C20orf96: variants seen among roughly 807,000 people sequenced by gnomAD.
The protein encoded by C20orf96 is uncharacterized protein C20orf96.
C20orf96 carries 57 observed loss-of-function variants against 52.6 expected under a neutral mutation model. That is an observed-to-expected ratio of 1.08 (90% CI 0.88 to 1.35). The LOEUF (loss-of-function observed/expected upper bound fraction) is 1.35. C20orf96 is among the 40% of genes most tolerant of loss of function. The probability of loss-of-function intolerance (pLI) is 0.00; values close to 1 mark genes in which losing one functional copy is unlikely to be tolerated. For synonymous variants in C20orf96, 168 were observed against 157.2 expected (o/e 1.07, Z -0.51); for missense variants, 478 against 443.6 (o/e 1.08, Z -0.70).
intron 3 of C20orf96, among the ~76,000 whole-genome samples, chr20:289,297 A>G (rs1338351214): frequency 6.6e-6 from 1 of 151,966 alleles, no homozygotes; most frequent in East Asian, 1.9e-4. Context: ...AGACTTCAAG[A>G]CCTTACAAAA....
At chr20:287,692 G>C (rs1378174023) in intron 3 of C20orf96, among the ~76,000 whole-genome samples, 2 of 151,980 alleles carry the variant, frequency 1.3e-5, no homozygotes, top group Non-Finnish European at 2.9e-5. Flanking sequence ...ACTTTGGGAG[G>C]CTGAGGCGGG....
intron 3 of C20orf96, among the ~76,000 whole-genome samples, chr20:285,026 T>C (rs2012348478): frequency 6.6e-6 from 1 of 152,146 alleles, no homozygotes; most frequent in South Asian, 2.1e-4. Context: ...ATGAAAGAAG[T>C]TACTATACCT....
rs770528771 is a variant in C20orf96 at position 289,652 on chromosome 20, T to C, written c.94A>G (p.Lys32Glu). The C allele has an allele frequency of 6.2e-7, 1 of 1,613,998 alleles. No homozygotes were observed. Among genetic ancestry groups the C allele is most frequent in the South Asian group, 1.1e-5 (1 of 91,082 alleles). Residue 32 changes from lysine (K) to glutamate (E), a missense_variant, in exon 3 of 11, where the codon AAG (lysine) becomes GAG (glutamate). Lys to Glu is a moderately conservative substitution (Grantham distance 56). Transcript: ENST00000360321. ...VPDYVPWQQS[K>E]QETKPSTLPP... ...AGAGTAGATGGCTTGGTTTCCTGCT[T>C]GGACTGCTGCCATGGAACATAATCC...
intron 3 of C20orf96, among the ~76,000 whole-genome samples, chr20:288,845 T>C (rs1243325720): frequency 6.6e-6 from 1 of 152,204 alleles, no homozygotes; most frequent in Non-Finnish European, 1.5e-5. Flanking sequence ...TTACAAAATA[T>C]TTGTTATTAA....
At chr20:273,572 G>A (rs1022277120) in intron 10 of C20orf96, among the ~76,000 whole-genome samples, 36 of 150,926 alleles carry the variant, frequency 2.4e-4, no homozygotes, top group Non-Finnish European at 1.3e-4. Context: ...TCACCGGGTA[G>A]CTTCTTAGAA....
At chr20:290,328 A>C (rs772268588) in intron 1 of C20orf96, 21 bp from the exon 2 acceptor site, 1 of 1,611,996 alleles carries the variant, frequency 6.2e-7, no homozygotes. Flanking sequence ...TTGGGAAGGG[A>C]AAGAACTTCC....
chr20:277,784 C>G (rs1829203350), intron 6 of C20orf96, among the ~76,000 whole-genome samples: 1 of 137,912 alleles, frequency 7.3e-6, no homozygotes, highest in African/African-American at 2.7e-5. Context: ...AAGACAAAGT[C>G]TATCCTGTCT....
Position 278,423 on chromosome 20 carries a change from T to C in C20orf96, c.472A>G (p.Ile158Val), listed in dbSNP as rs777377372. The C allele has an allele frequency of 1.2e-6, 2 of 1,613,722 alleles. No homozygotes were observed. The highest frequency in any genetic ancestry group is 1.7e-6 in the Non-Finnish European group (2 of 1,179,726). The part of the protein sequence containing the change: ...LQQQDTLATI[I>V]DILEYSNKKR... ...TTGTTTGAGTACTCCAAGATGTCGATGATGGTCTGCGGGAGGGGTGGAGTC... is the reference window on the plus strand; with the variant it reads ...TTGTTTGAGTACTCCAAGATGTCGACGATGGTCTGCGGGAGGGGTGGAGTC... The change falls in exon 6 of 11, where the codon ATC becomes GTC. Residue 158 changes from isoleucine (I) to valine (V), a missense_variant. Transcript: ENST00000360321.
chr20:284,039 G>A lies in C20orf96; in HGVS notation c.230C>T (p.Pro77Leu), dbSNP rs372813606. ...TCTATGTAGTTCTCTTGGATTCTTC[G>A]GCTGGCAGCTTGTCACCACCGTAGT... The part of the protein sequence containing the change: ...KPTTVVTSCQ[P>L]KNPRELHRRR... Residue 77 changes from proline (P) to leucine (L), a missense_variant, in exon 4 of 11, where the codon CCG becomes CTG. Physicochemically the swap from Pro to Leu is moderately conservative, Grantham distance 98 (BLOSUM62 -3). Transcript: ENST00000360321. 86 of 1,613,938 alleles carry A rather than the reference G, an allele frequency of 5.3e-5. 1 individual carries two copies. The highest frequency in any genetic ancestry group is 6.5e-5 in the Non-Finnish European group (77 of 1,180,012).
intron 3 of C20orf96, among the ~76,000 whole-genome samples, chr20:285,304 G>A (rs1167441706): frequency 2.6e-5 from 4 of 152,154 alleles, no homozygotes; most frequent in Non-Finnish European, 4.4e-5. Context: ...TCGCCCAGGT[G>A]GATCCAGCTG....
rs773509328 is a variant in C20orf96, at chr20:276,099, G to T, written c.913-13C>A. The T allele has an allele frequency of 8.1e-6, 13 of 1,612,692 alleles. No homozygotes were observed. The South Asian group carries it at 8.8e-5, about 11-fold the overall frequency. On this transcript the variant is annotated splice_polypyrimidine_tract_variant and intron_variant, in intron 9 of 10. Transcript: ENST00000360321. ...ACTGGTCAATAATCTGAGAGGAAAG[G>T]CACAGCAGGGGAGAAGGGAGAGGCA...
rs537291696 is a variant in C20orf96, at chr20:284,115, G to C, written c.188-34C>G. ...AGACAGGAAAGGACAGGGAGAGAGT[G>C]AGGGTCCCGGAAGGCCTGAGGCCAG... On this transcript the variant is annotated intron_variant, in intron 3 of 10. Coordinates refer to ENST00000360321, the MANE Select transcript of C20orf96 (RefSeq NM_153269.3). The C allele has an allele frequency of 1.9e-5, 30 of 1,572,242 alleles. No individual in the cohort carries two copies. In the East Asian group the frequency reaches 6.0e-4, roughly 32 times the overall value.
chr20:290,472 G>A, intron 1 of C20orf96, 119 bp downstream of exon 1: 2 of 1,509,786 alleles, frequency 1.3e-6, no homozygotes, highest in Middle Eastern at 1.8e-4. Context: ...GCGGGGAGAG[G>A]ACGGGGGTCA....
intron 10 of C20orf96, among the ~76,000 whole-genome samples, chr20:272,524 T>G (rs1445512165): frequency 2.6e-5 from 4 of 152,112 alleles, no homozygotes; most frequent in Non-Finnish European, 5.9e-5. Context: ...TCTGGCTAAT[T>G]TTTTAATTTT....
intron 10 of C20orf96, among the ~76,000 whole-genome samples, chr20:271,896 G>A (rs971200438): frequency 1.3e-5 from 2 of 152,204 alleles, no homozygotes; most frequent in African/African-American, 2.4e-5. Flanking sequence ...ATTCCCATCA[G>A]CAATATATTC....
chr20:280,583 G>A (rs2012228110), intron 4 of C20orf96, among the ~76,000 whole-genome samples: 1 of 152,214 alleles, frequency 6.6e-6, no homozygotes, highest in Admixed American at 6.5e-5. Flanking sequence ...TCAAGAAGTG[G>A]CAGGGCTGGA....
rs1299482222 is a variant in C20orf96 at position 277,339 on chromosome 20, T to G, written c.610A>C (p.Thr204Pro). The G allele has an allele frequency of 6.2e-7, 1 of 1,613,952 alleles. No individual in the cohort carries two copies. Among genetic ancestry groups the G allele is most frequent in the Non-Finnish European group, 8.5e-7 (1 of 1,180,012 alleles). ...AEQLNAKIEK[T>P]QEEVNFLSTY... ...CTCAGGAAGTTCACTTCCTCCTGGG[T>G]CTTCTCAATCTTGGCATTCAGCTGC... is the stretch of plus-strand genomic sequence containing the variant. The change falls in exon 7 of 11, where the codon ACC (threonine) becomes CCC (proline). Residue 204 changes from threonine to proline, a missense_variant. Thr to Pro is a conservative substitution (Grantham distance 38). Transcript: ENST00000360321.
At chr20:286,096 C>T (rs567747930) in intron 3 of C20orf96, among the ~76,000 whole-genome samples, 6 of 152,228 alleles carry the variant, frequency 3.9e-5, no homozygotes, top group African/African-American at 1.4e-4. Flanking sequence ...AATTTAAATG[C>T]TTAAGGAAGA....
In C20orf96 at chr20:277,382, A is replaced by G. The variant is rs751707617; in HGVS notation, c.567T>C (p.Tyr189=). 10 of 1,613,412 alleles carry G rather than the reference A, an allele frequency of 6.2e-6. No homozygotes were observed. The Admixed American group carries it at 8.3e-5, about 13-fold the overall frequency. Residue 189 remains tyrosine, a splice_region_variant and synonymous_variant, in exon 7 of 11, where the codon TAT becomes TAC. Coordinates refer to ENST00000360321, the MANE Select transcript of C20orf96 (RefSeq NM_153269.3). ...WEEKKKCKMS[Y]LEQQAEQLNA... ...TCAGCTGCTCTGCCTGCTGCTCAAG[A>G]TCTGGGGAGGGGTTAGGGAGGTCAG...
Sources: allele counts gnomAD v4.1 joint callset (sites outside exome capture counted in the v4.1 genomes callset), GRCh38; gene constraint gnomAD v4.1.1; transcripts MANE v1.5; gene names NCBI Gene and HGNC (gene_info 2026-07-23, HGNC 2026-07-21).